The following UGT3A1 variants were observed in gnomAD, a reference collection of about 807,000 sequenced individuals.
UGT3A1 encodes UDP-glycosyltransferase 3A1.
Under a neutral mutation model 37.6 loss-of-function variants are expected in UGT3A1, and 40 were observed. The observed-to-expected ratio is 1.06, with a 90% confidence interval of 0.83 to 1.38. UGT3A1 has a LOEUF of 1.38. Ranked by LOEUF, UGT3A1 falls within the 40% of genes most tolerant of loss-of-function variation. The probability of loss-of-function intolerance (pLI) is 0.00; values close to 1 mark genes in which losing one functional copy is unlikely to be tolerated. For synonymous variants in UGT3A1, 256 were observed against 232.3 expected, an observed-to-expected ratio of 1.10 and a Z score of -0.93; for missense variants, 642 against 634.2, an observed-to-expected ratio of 1.01 and a Z score of -0.13.
At chr5:35,962,428 G>A (rs146298715) in intron 4 of UGT3A1, 78 of 155,046 alleles carry the variant, frequency 5.0e-4, no homozygotes, top group Non-Finnish European at 7.5e-4. Flanking sequence ...TTAGGCAAGC[G>A]AGAGACTGAA....
chr5:35,994,174 T>C (rs1008540772), upstream of UGT3A1, among the ~76,000 whole-genome samples: 1 of 152,182 alleles, frequency 6.6e-6, no homozygotes, highest in African/African-American at 2.4e-5. Flanking sequence ...GGATTCTGTC[T>C]TACAAATTCT....
At position 35,964,717 on chromosome 5, in the gene UGT3A1, G is replaced by A. The variant is rs41516445; in HGVS notation, c.843+669C>T. Among the ~76,000 whole-genome samples the A allele has an allele frequency of 8.3e-3, 1,272 of 152,336 alleles. 27 individuals carry two copies. The highest frequency in any genetic ancestry group is 0.055 in the East Asian group (284 of 5,190). On this transcript the variant is annotated intron_variant, in intron 4 of 6. Coordinates refer to ENST00000274278, the MANE Select transcript of UGT3A1 (RefSeq NM_152404.4). Reference sequence around the variant, plus strand: ...CTAAATATAATAACTTCTGTAAAATGGGAACCCAGTGCTCAGAGGCAACAG... The same window carrying A: ...CTAAATATAATAACTTCTGTAAAATAGGAACCCAGTGCTCAGAGGCAACAG...
rs901378410 is a variant in UGT3A1 at position 35,953,832 on chromosome 5, T to C, written c.*370A>G. The C allele has an allele frequency of 2.6e-5, 5 of 192,734 alleles. No individual in the cohort carries two copies. Among genetic ancestry groups the C allele is most frequent in the African/African-American group, 1.2e-4 (5 of 42,822 alleles). 11.9% of individuals were successfully genotyped at this position (192,734 alleles called of 1,614,324 possible). ...GGAAGAATTTGAAATGGAAGATATG[T>C]CAAATATTTCCTGAGTTTTTTTATG... On this transcript the variant is annotated 3_prime_UTR_variant, in exon 7 of 7. Transcript: ENST00000274278.
At chr5:35,994,013 G>A (rs1259668230), upstream of UGT3A1, among the ~76,000 whole-genome samples, 1 of 152,012 alleles carries the variant, frequency 6.6e-6, no homozygotes, top group East Asian at 1.9e-4. Flanking sequence ...GGGATCTTGC[G>A]GTCTGAGGTT....
chr5:35,969,726 G>A (rs1001953316), intron 2 of UGT3A1, among the ~76,000 whole-genome samples: 1 of 152,004 alleles, frequency 6.6e-6, no homozygotes, highest in Non-Finnish European at 1.5e-5. Context: ...ACACCCCTGC[G>A]AACCGTAATA....
chr5:35,983,151 C>T (rs1156585217), intron 2 of UGT3A1, among the ~76,000 whole-genome samples: 2 of 150,194 alleles, frequency 1.3e-5, no homozygotes, highest in Middle Eastern at 3.2e-3. Context: ...CAGATTAATA[C>T]ACCAGACTAA....
At chr5:35,995,690 A>G (rs1024223722), upstream of UGT3A1, among the ~76,000 whole-genome samples, 1 of 152,142 alleles carries the variant, frequency 6.6e-6, no homozygotes, top group Non-Finnish European at 1.5e-5. Context: ...GAAGACAGGC[A>G]TAAAGAGTCA....
chr5:35,951,522 A>G lies in UGT3A1; in HGVS notation c.*2680T>C, dbSNP rs896531703. On this transcript the variant is annotated 3_prime_UTR_variant, in exon 7 of 7. Coordinates refer to ENST00000274278, the MANE Select transcript of UGT3A1 (RefSeq NM_152404.4). ...TTTTGTTTATTGTAGTTTAAAGCTG[A>G]ATATTATTTCAGTATGTATATGTAT... The G allele has an allele frequency of 1.3e-5, 2 of 152,190 alleles. No individual in the cohort carries two copies. The highest frequency in any genetic ancestry group is 2.4e-5 in the African/African-American group (1 of 41,462). 9.4% of individuals were successfully genotyped at this position (152,190 alleles called of 1,614,324 possible).
chr5:35,970,294 A>T (rs1739984086), intron 2 of UGT3A1, among the ~76,000 whole-genome samples: 1 of 152,054 alleles, frequency 6.6e-6, no homozygotes, highest in South Asian at 2.1e-4. Context: ...CAGGAGGCTG[A>T]GGCAGGAGAA....
chr5:35,997,046 C>T (rs1161795573), intron 2 of UGT3A1, among the ~76,000 whole-genome samples: 2 of 152,176 alleles, frequency 1.3e-5, no homozygotes, highest in African/African-American at 4.8e-5. Context: ...ACTGTCCCTA[C>T]CACACAAGAT....
intron 6 of UGT3A1, 124 bp from the exon 7 acceptor site, chr5:35,954,602 T>C (rs1174295095): frequency 2.3e-6 from 3 of 1,282,578 alleles, no homozygotes; most frequent in Non-Finnish European, 3.2e-6. Flanking sequence ...AAGGCTGGGC[T>C]GCAAAGAAAA....
rs958183537 is a variant in UGT3A1, at chr5:35,953,003, G to A, written c.*1199C>T. ...TTTCAAGATCTGTTTCACAATTCTAGAATTAAACAATCTAAAACTATGGTT... is the reference window on the plus strand; with the variant it reads ...TTTCAAGATCTGTTTCACAATTCTAAAATTAAACAATCTAAAACTATGGTT... On this transcript the variant is annotated 3_prime_UTR_variant, in exon 7 of 7. Transcript: ENST00000274278. The A allele has an allele frequency of 6.6e-6, 1 of 152,262 alleles. No homozygotes were observed. Among genetic ancestry groups the A allele is most frequent in the Non-Finnish European group, 1.5e-5 (1 of 68,038 alleles). The allele number at this position is 152,262 out of a possible 1,614,324, so 9.4% of individuals were successfully genotyped here.
At chr5:35,979,959 T>G (rs2149981552) in intron 2 of UGT3A1, among the ~76,000 whole-genome samples, 1 of 152,304 alleles carries the variant, frequency 6.6e-6, no homozygotes, top group East Asian at 1.9e-4. Flanking sequence ...ATGTGACTTA[T>G]TCACTATCAC....
Position 36,000,120 on chromosome 5 carries a change from G to A in UGT3A1, c.-160+848C>T, listed in dbSNP as rs367897330. ...ATAATTAAAACATATCTAAGTTCAC[G>A]AAGGCATTTCACCTCCCCTGGCCCA... On this transcript the variant is annotated intron_variant, in intron 1 of 5. Transcript: ENST00000625798. 4.5e-4 allele frequency among the ~76,000 whole-genome samples: 68 copies of A among 152,242 alleles called. 1 individual carries two copies. The highest frequency in any genetic ancestry group is 1.6e-3 in the African/African-American group (67 of 41,534).
At chr5:35,965,983 T>G (rs759449940) in intron 3 of UGT3A1, 66 bp from the exon 4 acceptor site, 167 of 1,246,684 alleles carry the variant, frequency 1.3e-4, no homozygotes, top group Non-Finnish European at 1.7e-4. Context: ...TGGGAGAATG[T>G]TAGACTCAAA....
In UGT3A1 at chr5:35,952,810, G is replaced by T. The variant is rs1739222389; in HGVS notation, c.*1392C>A. 6.6e-6 allele frequency: 1 copy of T among 152,148 alleles called. No individual in the cohort carries two copies. Among genetic ancestry groups the T allele is most frequent in the Non-Finnish European group, 1.5e-5 (1 of 68,032 alleles). The allele number at this position is 152,148 out of a possible 1,614,324, so 9.4% of individuals were successfully genotyped here. On this transcript the variant is annotated 3_prime_UTR_variant, in exon 7 of 7. Coordinates refer to ENST00000274278, the MANE Select transcript of UGT3A1 (RefSeq NM_152404.4). ...TCTAATGTACTTCTGCGTGCTTCAT[G>T]CTTCTGGCTCTTGTGTCATGAGAAC...
At chr5:35,956,019 C>G (rs1264987107) in intron 5 of UGT3A1, among the ~76,000 whole-genome samples, 155 bp from the exon 6 acceptor site, 1 of 152,210 alleles carries the variant, frequency 6.6e-6, no homozygotes, top group Non-Finnish European at 1.5e-5. Context: ...TGTGAACATT[C>G]CAGGATACAA....
intron 2 of UGT3A1, among the ~76,000 whole-genome samples, chr5:35,971,535 A>G (rs1256526758): frequency 6.6e-6 from 1 of 152,076 alleles, no homozygotes; most frequent in Non-Finnish European, 1.5e-5. Context: ...CAGAAAAAGA[A>G]GAAATATTTA....
At chr5:35,970,779 G>A (rs1335762914) in intron 2 of UGT3A1, among the ~76,000 whole-genome samples, 4 of 152,122 alleles carry the variant, frequency 2.6e-5, no homozygotes, top group Non-Finnish European at 2.9e-5. Context: ...CATTATGAAA[G>A]ATCTATTTAG....
Sources: allele counts gnomAD v4.1 joint callset (sites outside exome capture counted in the v4.1 genomes callset), GRCh38; gene constraint gnomAD v4.1.1; transcripts MANE v1.5; gene names NCBI Gene and HGNC (gene_info 2026-07-23, HGNC 2026-07-21).